The following SRL variants were observed in gnomAD, a reference collection of about 807,000 sequenced individuals.
SRL encodes sarcalumenin.
A neutral mutation model predicts 39.5 loss-of-function variants in SRL; 23 were observed. The ratio of observed to expected loss-of-function variants is 0.58; its 90% CI spans 0.42 to 0.82. The LOEUF is 0.82. SRL is among the 40% of genes least tolerant of loss of function. The pLI, the probability that SRL is intolerant of heterozygous loss-of-function variation, is 0.00. For synonymous variants in SRL, 272 were observed against 237.4 expected, an observed-to-expected ratio of 1.15 and a Z score of -1.34; for missense variants, 592 against 607.8, an observed-to-expected ratio of 0.97 and a Z score of 0.27.
chr16:4,192,003 T>A lies in SRL; in HGVS notation c.*150A>T, dbSNP rs2052071247. ...ACTCTCCTCCCTAGACCCACACACC[T>A]GCCCCGACCCCTGGCCTCAATGAAC... On this transcript the variant is annotated 3_prime_UTR_variant, in exon 6 of 6. Transcript: ENST00000399609. This position sits in a 1 kb window ranked among gnomAD's most constrained non-coding sequence, Gnocchi z 4.0. The A allele has an allele frequency of 1.2e-6, 1 of 830,210 alleles. No homozygotes were observed. Among genetic ancestry groups the A allele is most frequent in the Non-Finnish European group, 1.9e-6 (1 of 529,406 alleles). The allele number at this position is 830,210 out of a possible 1,614,324, so 51.4% of individuals were successfully genotyped here.
At chr16:4,202,580 G>A (rs188243729) in intron 3 of SRL, among the ~76,000 whole-genome samples, 79 of 146,150 alleles carry the variant, frequency 5.4e-4, no homozygotes, top group Admixed American at 1.1e-3. Flanking sequence ...GTGACAGAGC[G>A]AGACTCCATC....
At chr16:4,228,665 G>A (rs1206261796) in intron 1 of SRL, among the ~76,000 whole-genome samples, 9 of 152,024 alleles carry the variant, frequency 5.9e-5, no homozygotes, top group Non-Finnish European at 1.2e-4. Flanking sequence ...AACCCAGGAG[G>A]CGGAGCTTGC....
intron 1 of SRL, among the ~76,000 whole-genome samples, chr16:4,211,196 G>C (rs2052387764): frequency 6.6e-6 from 1 of 151,802 alleles, no homozygotes; most frequent in South Asian, 2.1e-4. Flanking sequence ...AACACACAAA[G>C]TTGCAAACCA....
At chr16:4,201,120 T>TTG (rs1306950761) in intron 3 of SRL, among the ~76,000 whole-genome samples, 79 of 151,454 alleles carry the variant, frequency 5.2e-4, no homozygotes, top group African/African-American at 1.9e-3. Context: ...GTTCCAATTT[T>TTG]TTTTTTTTTT....
chr16:4,195,494 G>C, intron 5 of SRL, 59 bp downstream of exon 5: 1 of 1,544,586 alleles, frequency 6.5e-7, no homozygotes, highest in Non-Finnish European at 8.9e-7. Flanking sequence ...CATCATGCCT[G>C]GCCAAAAATA....
intron 4 of SRL, among the ~76,000 whole-genome samples, chr16:4,197,081 T>G (rs201667536): frequency 0.018 from 1,116 of 60,374 alleles, 16 homozygotes; most frequent in African/African-American, 0.062. Context: ...TTTTTTTTTT[T>G]TTTGTGAGAC....
chr16:4,228,266 C>T (rs1190328221), intron 1 of SRL, among the ~76,000 whole-genome samples: 2 of 152,118 alleles, frequency 1.3e-5, no homozygotes. Context: ...GTGAAACCCC[C>T]TCTCTACTAA....
chr16:4,214,957 AG>A (rs2052439578), intron 1 of SRL, among the ~76,000 whole-genome samples: 1 of 151,886 alleles, frequency 6.6e-6, no homozygotes, highest in Non-Finnish European at 1.5e-5. Flanking sequence ...TAGTAGAGAC[AG>A]GGTTTCACCA....
intron 3 of SRL, among the ~76,000 whole-genome samples, chr16:4,201,030 C>G (rs1243560053): frequency 6.6e-6 from 1 of 152,100 alleles, no homozygotes; most frequent in Non-Finnish European, 1.5e-5. Context: ...AACAAGGACT[C>G]TCATCTACTG....
At chr16:4,228,626 T>A (rs2052623043) in intron 1 of SRL, among the ~76,000 whole-genome samples, 1 of 151,140 alleles carries the variant, frequency 6.6e-6, no homozygotes, top group Non-Finnish European at 1.5e-5. Flanking sequence ...TCCCAGCTAC[T>A]CGGGAGGTTG....
chr16:4,230,456 C>G (rs139174430), intron 1 of SRL, among the ~76,000 whole-genome samples: 5,336 of 151,110 alleles, frequency 0.035, 309 homozygotes, highest in African/African-American at 0.12. Context: ...TCTCGGCTCA[C>G]TGCAACCTCC....
chr16:4,193,818 C>A lies in SRL; in HGVS notation c.611-854G>T, dbSNP rs956706680. Among the ~76,000 whole-genome samples the A allele has an allele frequency of 8.0e-5, 12 of 150,550 alleles. No homozygotes were observed. The East Asian group carries it at 2.1e-3, about 27-fold the overall frequency. ...AAACATTGAAATCTTTTTTTTTTTA[C>A]AATAATGTATAAAATTATCCAACGT... is the stretch of plus-strand genomic sequence containing the variant. On this transcript the variant is annotated intron_variant, in intron 5 of 5. Coordinates refer to ENST00000399609, the MANE Select transcript of SRL (RefSeq NM_001098814.2).
At chr16:4,217,567 T>G (rs550872250) in intron 1 of SRL, among the ~76,000 whole-genome samples, 1 of 152,244 alleles carries the variant, frequency 6.6e-6, no homozygotes, top group South Asian at 2.1e-4. Flanking sequence ...GTCTTACCAC[T>G]GGCGCCCCCA....
At position 4,237,118 on chromosome 16, in the gene SRL, T is replaced by C. The variant is rs540906765; in HGVS notation, c.61+4889A>G. Among the ~76,000 whole-genome samples, 306 of 152,036 alleles carry C rather than the reference T, an allele frequency of 2.0e-3. 1 individual carries two copies. Among genetic ancestry groups the C allele is most frequent in the African/African-American group, 6.1e-3 (254 of 41,442 alleles). On this transcript the variant is annotated intron_variant, in intron 1 of 5. Coordinates refer to ENST00000399609, the MANE Select transcript of SRL (RefSeq NM_001098814.2). ...CATCATGCCCAGTTCATTTTTTCTATTTTTTGTTTTATTTTCTATGTTGTC... is the reference window on the plus strand; with the variant it reads ...CATCATGCCCAGTTCATTTTTTCTACTTTTTGTTTTATTTTCTATGTTGTC...
chr16:4,224,542 T>C (rs1173131183), intron 1 of SRL, among the ~76,000 whole-genome samples: 2 of 151,962 alleles, frequency 1.3e-5, no homozygotes, highest in Non-Finnish European at 2.9e-5. Flanking sequence ...CTCAGCTCTA[T>C]AAAAATTTTT....
intron 1 of SRL, among the ~76,000 whole-genome samples, chr16:4,230,713 G>C (rs770705504): frequency 6.6e-6 from 1 of 152,002 alleles, no homozygotes; most frequent in Non-Finnish European, 1.5e-5. Context: ...ATGGAAACAG[G>C]GTCTTTGCAA....
intron 1 of SRL, among the ~76,000 whole-genome samples, chr16:4,232,587 C>T (rs922155822): frequency 6.6e-6 from 1 of 152,010 alleles, no homozygotes; most frequent in Admixed American, 6.6e-5. Flanking sequence ...TACAGTTCAC[C>T]GCAGCCATGA....
intron 1 of SRL, among the ~76,000 whole-genome samples, chr16:4,226,538 G>C (rs1445389026): frequency 1.3e-5 from 2 of 151,822 alleles, no homozygotes; most frequent in Non-Finnish European, 2.9e-5. Context: ...GGGACAGATG[G>C]ATGGACACAT....
intron 1 of SRL, among the ~76,000 whole-genome samples, chr16:4,215,617 C>G (rs527871027): frequency 3.3e-5 from 5 of 152,168 alleles, no homozygotes; most frequent in African/African-American, 9.6e-5. Context: ...AGCAGTGGGC[C>G]AGCCAATAAG....
Sources: allele counts gnomAD v4.1 joint callset (sites outside exome capture counted in the v4.1 genomes callset), GRCh38; gene constraint gnomAD v4.1.1; non-coding constraint Gnocchi (gnomAD v3.1); transcripts MANE v1.5; gene names NCBI Gene and HGNC (gene_info 2026-07-23, HGNC 2026-07-21).